Variants in PTPRM observed in about 807,000 individuals in gnomAD.
The protein encoded by PTPRM is receptor-type tyrosine-protein phosphatase mu.
A neutral mutation model predicts 186.7 loss-of-function variants in PTPRM; 47 were observed. That is an observed-to-expected ratio of 0.25 (90% CI 0.20 to 0.32). PTPRM has a LOEUF of 0.32. Ranked by LOEUF, PTPRM falls within the 10% of genes least tolerant of loss-of-function variation. The probability of loss-of-function intolerance (pLI) is 1.00; values close to 1 mark genes in which losing one functional copy is unlikely to be tolerated. For missense variants in PTPRM, 1,494 were observed against 1,865.0 expected, an observed-to-expected ratio of 0.80 and a Z score of 3.66; for synonymous variants, 668 against 674.9, an observed-to-expected ratio of 0.99 and a Z score of 0.16.
chr18:8,126,000 TATATATATATATATATATATATA>T (rs1487534036), intron 13 of PTPRM, among the ~76,000 whole-genome samples: 31 of 16,310 alleles, frequency 1.9e-3, no homozygotes, highest in East Asian at 9.5e-3. Flanking sequence ...TATATATATA[TATATATATATATATATATATATA>T]TATATTTTAA....
chr18:7,718,291 T>C (rs1194112554), intron 1 of PTPRM, among the ~76,000 whole-genome samples: 1 of 152,050 alleles, frequency 6.6e-6, no homozygotes, highest in Non-Finnish European at 1.5e-5. Flanking sequence ...AGACAAAGCA[T>C]ATAAATACAT....
At chr18:7,993,268 G>A (rs954165911) in intron 7 of PTPRM, among the ~76,000 whole-genome samples, 1 of 152,048 alleles carries the variant, frequency 6.6e-6, no homozygotes, top group Non-Finnish European at 1.5e-5. Flanking sequence ...TATTGTGAAT[G>A]CCAGAGGAGA....
chr18:7,752,205 C>G (rs2041249923), intron 1 of PTPRM, among the ~76,000 whole-genome samples: 1 of 152,108 alleles, frequency 6.6e-6, no homozygotes, highest in Non-Finnish European at 1.5e-5. Flanking sequence ...AATTTCCTGC[C>G]TAAGTTATTA....
At chr18:7,995,821 T>A (rs2083502473) in intron 7 of PTPRM, 1 of 152,192 alleles carries the variant, frequency 6.6e-6, no homozygotes, top group Non-Finnish European at 1.5e-5. Context: ...AACAGTGTTT[T>A]TGTTGTACAT....
intron 14 of PTPRM, among the ~76,000 whole-genome samples, chr18:8,231,439 G>A (rs187351215): frequency 2.9e-4 from 44 of 152,282 alleles, no homozygotes; most frequent in Admixed American, 2.2e-3. Flanking sequence ...TGTTCTCCTA[G>A]TTGGCAGCAA....
At chr18:7,961,084 G>A (rs1367086274) in intron 7 of PTPRM, among the ~76,000 whole-genome samples, 2 of 152,006 alleles carry the variant, frequency 1.3e-5, no homozygotes, top group Non-Finnish European at 1.5e-5. Context: ...TAATCACATC[G>A]GGGTAAATGG....
chr18:7,929,330 G>T (rs560780488), intron 5 of PTPRM, among the ~76,000 whole-genome samples: 5 of 152,212 alleles, frequency 3.3e-5, no homozygotes, highest in Non-Finnish European at 7.4e-5. Context: ...TGATGGTGTT[G>T]GTAGTTGTTT....
intron 7 of PTPRM, among the ~76,000 whole-genome samples, chr18:8,057,282 C>A (rs2088048858): frequency 6.6e-6 from 1 of 151,870 alleles, no homozygotes. Flanking sequence ...AGTGGATACA[C>A]AGAATATTGT....
At chr18:8,398,951 T>C (rs373303334) in intron 32 of PTPRM, among the ~76,000 whole-genome samples, 1 of 152,022 alleles carries the variant, frequency 6.6e-6, no homozygotes, top group African/African-American at 2.4e-5. Flanking sequence ...TCTGAGGTGA[T>C]GGGAATGTTT....
intron 22 of PTPRM, among the ~76,000 whole-genome samples, chr18:8,334,763 C>A (rs2095429652): frequency 1.3e-5 from 2 of 152,218 alleles, no homozygotes; most frequent in South Asian, 4.1e-4. Flanking sequence ...AAAGAGTAGA[C>A]CCTTCTGCTC....
intron 2 of PTPRM, among the ~76,000 whole-genome samples, chr18:7,798,691 G>A (rs1255801342): frequency 1.3e-5 from 2 of 151,838 alleles, no homozygotes. Flanking sequence ...TGAAATAAGG[G>A]CCAAATTCAT....
At chr18:8,236,576 A>C (rs544954890) in intron 14 of PTPRM, among the ~76,000 whole-genome samples, 27 of 151,994 alleles carry the variant, frequency 1.8e-4, no homozygotes, top group African/African-American at 6.3e-4. Context: ...GGGTCTTGCT[A>C]TGTTGCCCAG....
At chr18:7,788,028 A>C (rs2043171303) in intron 2 of PTPRM, among the ~76,000 whole-genome samples, 1 of 152,178 alleles carries the variant, frequency 6.6e-6, no homozygotes, top group South Asian at 2.1e-4. Context: ...CAGGGATTTC[A>C]GGGGTCTCTG....
At chr18:8,370,333 T>C (rs1598471969) in intron 23 of PTPRM, among the ~76,000 whole-genome samples, 2 of 152,140 alleles carry the variant, frequency 1.3e-5, no homozygotes, top group African/African-American at 4.8e-5. Context: ...CTTCAGACAA[T>C]ATGGAAAGAC....
intron 2 of PTPRM, among the ~76,000 whole-genome samples, chr18:7,794,475 A>C (rs2043505537): frequency 6.6e-6 from 1 of 152,066 alleles, no homozygotes. Context: ...TATGATGTTG[A>C]GTTCCACCTG....
chr18:7,810,795 G>A (rs534484245), intron 2 of PTPRM, among the ~76,000 whole-genome samples: 1 of 152,248 alleles, frequency 6.6e-6, no homozygotes, highest in Non-Finnish European at 1.5e-5. Flanking sequence ...GCTTCAACTA[G>A]AGGGTTATTC....
intron 3 of PTPRM, among the ~76,000 whole-genome samples, chr18:7,891,254 C>A (rs2049064031): frequency 6.6e-6 from 1 of 152,026 alleles, no homozygotes; most frequent in African/African-American, 2.4e-5. Flanking sequence ...CCACTGCACT[C>A]CAGCCTGGGT....
chr18:8,397,325 A>G (rs772687334), intron 32 of PTPRM, among the ~76,000 whole-genome samples: 4 of 152,202 alleles, frequency 2.6e-5, no homozygotes, highest in Non-Finnish European at 4.4e-5. Context: ...GTCTCTCACC[A>G]TCTCCCTTTG....
chr18:8,087,807 A>G (rs182781745), intron 10 of PTPRM, among the ~76,000 whole-genome samples: 4 of 152,286 alleles, frequency 2.6e-5, no homozygotes, highest in Admixed American at 2.6e-4. Context: ...TAAAAACTGT[A>G]TTTGCAAGAA....
Sources: allele counts gnomAD v4.1 joint callset (sites outside exome capture counted in the v4.1 genomes callset), GRCh38; gene constraint gnomAD v4.1.1; transcripts MANE v1.5; gene names NCBI Gene and HGNC (gene_info 2026-07-23, HGNC 2026-07-21).